IQCB1: variants seen among roughly 807,000 people sequenced by gnomAD.
IQCB1 encodes IQ motif containing B1.
A neutral mutation model predicts 84.4 loss-of-function variants in IQCB1; 56 were observed. The ratio of observed to expected loss-of-function variants is 0.66; its 90% CI spans 0.54 to 0.83. IQCB1 has a LOEUF of 0.83. Among genes scored for constraint, IQCB1 ranks in the 40% least tolerant of loss-of-function variants. The pLI, the probability that IQCB1 is intolerant of heterozygous loss-of-function variation, is 0.00. For missense variants in IQCB1, 629 were observed against 682.1 expected, an observed-to-expected ratio of 0.92 and a Z score of 0.87; for synonymous variants, 210 against 234.8, an observed-to-expected ratio of 0.89 and a Z score of 0.96.
intron 5 of IQCB1, among the ~76,000 whole-genome samples, chr3:121,816,383 C>T (rs1399394216): frequency 6.6e-6 from 1 of 152,050 alleles, no homozygotes; most frequent in Non-Finnish European, 1.5e-5. Context: ...GGCTAAAACA[C>T]AAAAAGCAAT....
intron 13 of IQCB1, among the ~76,000 whole-genome samples, chr3:121,780,148 T>G (rs1948411701): frequency 6.6e-6 from 1 of 152,202 alleles, no homozygotes; most frequent in African/African-American, 2.4e-5. Flanking sequence ...CTAGTTCCCT[T>G]GGTGTCACCT....
chr3:121,832,381 G>A (rs954910403), intron 2 of IQCB1, among the ~76,000 whole-genome samples: 1 of 146,598 alleles, frequency 6.8e-6, no homozygotes, highest in Non-Finnish European at 1.5e-5. Flanking sequence ...TGGCTGCAGT[G>A]CAGTGGTGCA....
At chr3:121,782,255 A>G (rs1948529319) in intron 12 of IQCB1, among the ~76,000 whole-genome samples, 2 of 152,212 alleles carry the variant, frequency 1.3e-5, no homozygotes, top group South Asian at 2.1e-4. Context: ...ATGATTGTAA[A>G]CACCAAGGAG....
At chr3:121,773,313 T>TAAAAAAA (rs57716745) in intron 13 of IQCB1, among the ~76,000 whole-genome samples, 18 of 104,420 alleles carry the variant, frequency 1.7e-4, no homozygotes, top group Non-Finnish European at 2.8e-4. Flanking sequence ...GACTCTGCCT[T>TAAAAAAA]AAAAAAAAAA....
At chr3:121,785,255 C>CTTTT (rs1012749746) in intron 12 of IQCB1, among the ~76,000 whole-genome samples, 1 of 143,872 alleles carries the variant, frequency 7.0e-6, no homozygotes. Flanking sequence ...CTTTATATTA[C>CTTTT]TTTTTTTTTT....
chr3:121,789,547 G>A (rs1302887508), intron 11 of IQCB1, among the ~76,000 whole-genome samples: 1 of 152,148 alleles, frequency 6.6e-6, no homozygotes, highest in African/African-American at 2.4e-5. Context: ...TGGAGATGAA[G>A]TGAAATAAAG....
At position 121,772,594 on chromosome 3, in the gene IQCB1, C is replaced by T; in HGVS notation, c.1530G>A (p.Leu510=). 1 of 1,614,228 alleles carries T rather than the reference C, an allele frequency of 6.2e-7. No homozygotes were observed. The highest frequency in any genetic ancestry group is 8.5e-7 in the Non-Finnish European group (1 of 1,180,044). Residue 510 remains leucine (L), a synonymous_variant, in exon 14 of 15, where the codon CTG becomes CTA. Coordinates refer to ENST00000310864, the MANE Select transcript of IQCB1 (RefSeq NM_001023570.4). Reference sequence around the variant, plus strand: ...CAACGTTGGTGCTGATCTGTGCTATCAGAGCTTCTCTGTGCTGCTGGGCTC... The same window carrying T: ...CAACGTTGGTGCTGATCTGTGCTATTAGAGCTTCTCTGTGCTGCTGGGCTC... ...EERAQQHREA[L]IAQISTNVEQ...
chr3:121,828,969 T>C lies in IQCB1; in HGVS notation c.-9A>G. 1 of 1,531,868 alleles carries C rather than the reference T, an allele frequency of 6.5e-7. No individual in the cohort carries two copies. The allele number at this position is 1,531,868 out of a possible 1,614,324, so 94.9% of individuals were successfully genotyped here. On this transcript the variant is annotated 5_prime_UTR_variant, in exon 3 of 15. Transcript: ENST00000310864. ...GTACCTGTTGGCTTCATTTCTCTTA[T>C]TACCTATATTTTAACAGAATCAGAG... is the stretch of plus-strand genomic sequence containing the variant.
In IQCB1 at chr3:121,790,149, T is replaced by C. The variant is rs1416237128; in HGVS notation, c.1053A>G (p.Gln351=). 2 of 1,613,476 alleles carry C rather than the reference T, an allele frequency of 1.2e-6. No homozygotes were observed. The highest frequency in any genetic ancestry group is 1.7e-5 in the Admixed American group (1 of 59,996). Residue 351 remains glutamine, a synonymous_variant, in exon 11 of 15, where the codon CAA becomes CAG. Transcript: ENST00000310864. ...TGGCTCTCTGTCTTTGAAGTTGCAA[T>C]TGTAATTTGAGGTCCTCTTCTTCCT... ...RQKEEEDLKL[Q]LQLQRQRAMR...
chr3:121,825,920 G>T, intron 5 of IQCB1, 131 bp downstream of exon 5: 1 of 897,028 alleles, frequency 1.1e-6, no homozygotes, highest in Non-Finnish European at 1.7e-6. Context: ...TTGGAAGGTT[G>T]TAACTTTGAA....
At position 121,800,680 on chromosome 3, in the gene IQCB1, C is replaced by T. The variant is rs1949372417; in HGVS notation, c.588-1306G>A. Reference sequence around the variant, plus strand: ...ATCCCAATCTTATCACATCTTTACTCCATATCCCACCAAGAGTTTGTGCTA... The same window carrying T: ...ATCCCAATCTTATCACATCTTTACTTCATATCCCACCAAGAGTTTGTGCTA... On this transcript the variant is annotated intron_variant, in intron 7 of 14. Transcript: ENST00000310864. Among the ~76,000 whole-genome samples, 3 of 151,842 alleles carry T rather than the reference C, an allele frequency of 2.0e-5. No homozygotes were observed. The South Asian group carries it at 6.2e-4, about 32-fold the overall frequency.
intron 6 of IQCB1, among the ~76,000 whole-genome samples, chr3:121,808,246 TTTAAA>T (rs1949684389): frequency 6.6e-6 from 1 of 151,980 alleles, no homozygotes; most frequent in African/African-American, 2.4e-5. Context: ...TATTTGACTC[TTTAAA>T]TTATGTGCAT....
At chr3:121,774,355 A>G (rs920431337) in intron 13 of IQCB1, among the ~76,000 whole-genome samples, 3 of 152,254 alleles carry the variant, frequency 2.0e-5, no homozygotes, top group African/African-American at 7.2e-5. Flanking sequence ...TACAGCCACT[A>G]TGGAAAACAG....
intron 7 of IQCB1, among the ~76,000 whole-genome samples, 158 bp downstream of exon 7, chr3:121,807,186 C>T (rs947370196): frequency 6.6e-6 from 1 of 151,332 alleles, no homozygotes; most frequent in African/African-American, 2.4e-5. Flanking sequence ...GTATATAGTG[C>T]ATATACTTGT....
At chr3:121,809,055 C>CTT in intron 5 of IQCB1, 46 bp from the exon 6 acceptor site, 1 of 1,168,342 alleles carries the variant, frequency 8.6e-7, no homozygotes, top group Admixed American at 2.2e-5. Context: ...TAGTTTTTTT[C>CTT]CTTTTTTTTT....
chr3:121,797,044 G>A (rs1269215697), intron 9 of IQCB1, 74 bp downstream of exon 9: 7 of 809,502 alleles, frequency 8.6e-6, no homozygotes, highest in African/African-American at 1.7e-5. Flanking sequence ...AGAAAGTGAG[G>A]AACATTTAAG....
chr3:121,822,106 G>GAAA (rs755324023), intron 5 of IQCB1, among the ~76,000 whole-genome samples: 1 of 152,144 alleles, frequency 6.6e-6, no homozygotes, highest in Non-Finnish European at 1.5e-5. Flanking sequence ...GAGTCTGCTG[G>GAAA]CATTTGGACT....
In IQCB1 at chr3:121,808,909, C is replaced by G. The variant is rs200626593; in HGVS notation, c.487+7G>C. On this transcript the variant is annotated splice_region_variant and intron_variant, in intron 6 of 14. Transcript: ENST00000310864. ...GCTATTAGTTACATTAAAATCTTTT[C>G]TCTTACCATTCTGAATAAGTTCAAC... 1 of 1,559,094 alleles carries G rather than the reference C, an allele frequency of 6.4e-7. No individual in the cohort carries two copies. Among genetic ancestry groups the G allele is most frequent in the East Asian group, 2.2e-5 (1 of 44,512 alleles).
chr3:121,799,859 C>A (rs1949339063), intron 7 of IQCB1, among the ~76,000 whole-genome samples: 1 of 151,670 alleles, frequency 6.6e-6, no homozygotes, highest in East Asian at 1.9e-4. Flanking sequence ...ACTAACAACC[C>A]ATCTTGTATT....
Sources: gnomAD v4.1 joint callset for allele counts (sites outside exome capture counted in the v4.1 genomes callset) on GRCh38, gnomAD v4.1.1 for gene constraint, MANE v1.5 for transcripts, NCBI Gene and HGNC (gene_info 2026-07-23, HGNC 2026-07-21) for gene names.